Variants in SLCO3A1 observed in about 807,000 individuals in gnomAD.
SLCO3A1 encodes PGE1 transporter.
In SLCO3A1, 27 loss-of-function variants were observed where a neutral mutation model predicts 63.1. The observed-to-expected ratio is 0.43, with a 90% CI of 0.32 to 0.59. The LOEUF (loss-of-function observed/expected upper bound fraction) is 0.59, where lower values mean the gene tolerates loss of function less well. Among genes scored for constraint, SLCO3A1 ranks in the 20% least tolerant of loss-of-function variants. The pLI is 0.09. For synonymous variants in SLCO3A1, 473 were observed against 409.9 expected (o/e 1.15, Z -1.86); for missense variants, 773 against 945.8 (o/e 0.82, Z 2.40).
At chr15:92,091,231 A>T (rs2047471254) in intron 2 of SLCO3A1, among the ~76,000 whole-genome samples, 1 of 152,164 alleles carries the variant, frequency 6.6e-6, no homozygotes, top group African/African-American at 2.4e-5. Flanking sequence ...TATCCAGGGT[A>T]GTAGCAAAGA....
chr15:92,164,910 C>T lies in SLCO3A1; in HGVS notation c.*1775C>T. 2 of 985,416 alleles carry T rather than the reference C, an allele frequency of 2.0e-6. No individual in the cohort carries two copies. Among genetic ancestry groups the T allele is most frequent in the Non-Finnish European group, 2.4e-6 (2 of 829,938 alleles). 61.0% of individuals were successfully genotyped at this position (985,416 alleles called of 1,614,324 possible). A position where few individuals can be genotyped will look rare whatever the true frequency, so the allele number is the denominator to read the frequency against. ...GGGCCCTGCTAACTTACTCCTCATG[C>T]TGCTTCAGTGACCTTTGTTCATGTC... is the stretch of plus-strand genomic sequence containing the variant. On this transcript the variant is annotated 3_prime_UTR_variant, in exon 10 of 10. Coordinates refer to ENST00000318445, the MANE Select transcript of SLCO3A1 (RefSeq NM_013272.4).
chr15:92,169,021 C>A (rs2151608993), downstream of SLCO3A1, among the ~76,000 whole-genome samples: 1 of 152,214 alleles, frequency 6.6e-6, no homozygotes, highest in East Asian at 1.9e-4. Context: ...ACACTGGCAC[C>A]CTAAAGTTAA....
chr15:92,031,344 C>T (rs76557632), intron 2 of SLCO3A1, among the ~76,000 whole-genome samples: 3,671 of 152,112 alleles, frequency 0.024, 151 homozygotes, highest in African/African-American at 0.082. Context: ...GTTAACCTTT[C>T]GGAACTTATC....
intron 2 of SLCO3A1, among the ~76,000 whole-genome samples, chr15:91,964,849 T>C (rs972339324): frequency 1.3e-5 from 2 of 152,156 alleles, no homozygotes; most frequent in Admixed American, 6.5e-5. Context: ...AGTGACTTGC[T>C]CAGGGTCACA....
intron 2 of SLCO3A1, among the ~76,000 whole-genome samples, chr15:91,987,881 A>T (rs1172453486): frequency 6.6e-6 from 1 of 152,148 alleles, no homozygotes; most frequent in Non-Finnish European, 1.5e-5. Context: ...GTCAGCAGGC[A>T]CAAGGGATAT....
chr15:92,166,406 G>C (rs530630928), downstream of SLCO3A1, among the ~76,000 whole-genome samples: 1 of 152,326 alleles, frequency 6.6e-6, no homozygotes, highest in East Asian at 1.9e-4. Flanking sequence ...GAGGGAGCGT[G>C]CCCCTCCATA....
intron 8 of SLCO3A1, chr15:92,148,964 A>G (rs2048268142): frequency 6.6e-6 from 1 of 152,234 alleles, no homozygotes; most frequent in Non-Finnish European, 1.5e-5. Context: ...TCTCATGTAT[A>G]GGTTTTAGGT....
Position 91,982,034 on chromosome 15 carries a change from C to T in SLCO3A1, c.646+65576C>T, listed in dbSNP as rs570692198. Among the ~76,000 whole-genome samples, 41 of 152,382 alleles carry T rather than the reference C, an allele frequency of 2.7e-4. 1 individual carries two copies. Among genetic ancestry groups the T allele is most frequent in the African/African-American group, 9.6e-4 (40 of 41,598 alleles). Reference sequence around the variant, plus strand: ...CATCATTGCAGGAGAGGGGCGTGCCCACAGCTGCAAAGTCCTTGGCGTGCA... The same window carrying T: ...CATCATTGCAGGAGAGGGGCGTGCCTACAGCTGCAAAGTCCTTGGCGTGCA... On this transcript the variant is annotated intron_variant, in intron 2 of 9. Coordinates refer to ENST00000318445, the MANE Select transcript of SLCO3A1 (RefSeq NM_013272.4).
At chr15:92,068,745 G>C (rs2151512948) in intron 2 of SLCO3A1, among the ~76,000 whole-genome samples, 1 of 152,212 alleles carries the variant, frequency 6.6e-6, no homozygotes. Context: ...CATCCCTTTG[G>C]TGGCCAGAAC....
chr15:91,884,138 T>C (rs1288222228), intron 1 of SLCO3A1, among the ~76,000 whole-genome samples: 1 of 152,230 alleles, frequency 6.6e-6, no homozygotes, highest in African/African-American at 2.4e-5. Flanking sequence ...CATTTTGTAA[T>C]GAGGATTCCG....
intron 2 of SLCO3A1, among the ~76,000 whole-genome samples, chr15:91,999,697 C>A (rs2046230759): frequency 6.6e-6 from 1 of 152,182 alleles, no homozygotes; most frequent in East Asian, 1.9e-4. Flanking sequence ...GAGGCCGAGG[C>A]AGGAGGATTG....
chr15:91,929,372 GAC>G (rs952261899), intron 2 of SLCO3A1, among the ~76,000 whole-genome samples: 1 of 152,148 alleles, frequency 6.6e-6, no homozygotes, highest in African/African-American at 2.4e-5. Flanking sequence ...CAGAAAAAAT[GAC>G]AGTCTCTTAC....
At chr15:92,129,015 G>A (rs560699670) in intron 7 of SLCO3A1, among the ~76,000 whole-genome samples, 6 of 152,206 alleles carry the variant, frequency 3.9e-5, no homozygotes, top group South Asian at 4.2e-4. Flanking sequence ...CCTGCTTAGC[G>A]TGGATTTTAC....
chr15:92,105,036 G>A (rs971187898), intron 4 of SLCO3A1, among the ~76,000 whole-genome samples: 2 of 151,256 alleles, frequency 1.3e-5, no homozygotes, highest in African/African-American at 4.9e-5. Flanking sequence ...GGAAGCCAAG[G>A]CAGGTGGATC....
At chr15:92,106,603 C>T (rs1275288063) in intron 4 of SLCO3A1, among the ~76,000 whole-genome samples, 1 of 152,152 alleles carries the variant, frequency 6.6e-6, no homozygotes, top group East Asian at 1.9e-4. Flanking sequence ...CCCTAGGGCT[C>T]TGATTGTAAA....
At position 91,948,241 on chromosome 15, in the gene SLCO3A1, C is replaced by T. The variant is rs1158265258; in HGVS notation, c.646+31783C>T. ...GGAAGCTTTTTCCACTCCTGCTTGG[C>T]GCATGAGAATACAACCAGCTGGTCC... On this transcript the variant is annotated intron_variant, in intron 2 of 9. Transcript: ENST00000318445. This position sits in a 1 kb window ranked among gnomAD's most constrained non-coding sequence, Gnocchi z 4.8. Among the ~76,000 whole-genome samples, 3 of 152,144 alleles carry T rather than the reference C, an allele frequency of 2.0e-5. No individual in the cohort carries two copies. The highest frequency in any genetic ancestry group is 1.9e-4 in the East Asian group (1 of 5,178).
At chr15:92,039,759 C>G (rs774509931) in intron 2 of SLCO3A1, among the ~76,000 whole-genome samples, 3 of 152,144 alleles carry the variant, frequency 2.0e-5, no homozygotes, top group African/African-American at 7.2e-5. Flanking sequence ...AGAAGACACA[C>G]GCACATGTAT....
At chr15:91,974,452 G>A (rs1243062938) in intron 2 of SLCO3A1, among the ~76,000 whole-genome samples, 1 of 152,102 alleles carries the variant, frequency 6.6e-6, no homozygotes, top group African/African-American at 2.4e-5. Flanking sequence ...GGGCACCTTG[G>A]CCTGGAGAAA....
rs1005415398 is a variant in SLCO3A1, at chr15:92,164,870, T to C, written c.*1735T>C. The stretch of plus-strand genomic sequence containing the variant: ...GAGCTTAGGTAAAGGCACACACTCA[T>C]ACACACACAACAAAGGGCCCTGCTA... On this transcript the variant is annotated 3_prime_UTR_variant, in exon 10 of 10. Transcript: ENST00000318445. 10 of 985,250 alleles carry C rather than the reference T, an allele frequency of 1.0e-5. No homozygotes were observed. The African/African-American group carries it at 1.4e-4, about 14-fold the overall frequency. 61.0% of individuals were successfully genotyped at this position (985,250 alleles called of 1,614,324 possible).
Sources: gnomAD v4.1 joint callset for allele counts (sites outside exome capture counted in the v4.1 genomes callset) on GRCh38, gnomAD v4.1.1 for gene constraint, Gnocchi (gnomAD v3.1) non-coding constraint, MANE v1.5 for transcripts, NCBI Gene and HGNC (gene_info 2026-07-23, HGNC 2026-07-21) for gene names.